GPR39: variants seen among roughly 807,000 people sequenced by gnomAD.
GPR39 encodes G protein-coupled receptor 39, also known as zinc sensing receptor.
GPR39 carries 23 observed loss-of-function variants against 18.4 expected under a neutral mutation model. The ratio of observed to expected loss-of-function variants is 1.25; its 90% CI spans 0.90 to 1.77. GPR39 has a LOEUF of 1.77. GPR39 is among the 40% of genes most tolerant of loss of function. The pLI, the probability that GPR39 is intolerant of heterozygous loss-of-function variation, is 0.00. For synonymous variants in GPR39, 280 were observed against 257.9 expected, an observed-to-expected ratio of 1.09 and a Z score of -0.82; for missense variants, 647 against 602.4, an observed-to-expected ratio of 1.07 and a Z score of -0.78.
intron 1 of GPR39, among the ~76,000 whole-genome samples, chr2:132,517,074 A>C (rs912484113): frequency 6.6e-6 from 1 of 151,946 alleles, no homozygotes; most frequent in Non-Finnish European, 1.5e-5. Flanking sequence ...AAAAGCGGAC[A>C]CTCTTCAGGT....
rs752494313 is a variant in GPR39, at chr2:132,645,450, AAGG to A, written c.1209_1211del (p.Arg404del). The A allele has an allele frequency of 1.7e-4, 277 of 1,613,684 alleles. No homozygotes were observed. Among genetic ancestry groups the A allele is most frequent in the East Asian group, 4.5e-5 (2 of 44,882 alleles). On this transcript the variant is annotated inframe_deletion, in exon 2 of 2. Transcript: ENST00000329321. ...TCGCGTCCCGGCGCCAGTCCTCTGC[AAGG>A]AGAACTGAGAAGATTTTCTTAAGCA...
At chr2:132,464,121 A>G (rs570772177) in intron 1 of GPR39, among the ~76,000 whole-genome samples, 1 of 152,244 alleles carries the variant, frequency 6.6e-6, no homozygotes, top group Non-Finnish European at 1.5e-5. Flanking sequence ...TTAAATTAAA[A>G]ATCACGTAGT....
chr2:132,501,425 A>G (rs1422480174), intron 1 of GPR39, among the ~76,000 whole-genome samples: 1 of 151,990 alleles, frequency 6.6e-6, no homozygotes, highest in East Asian at 1.9e-4. Context: ...ATTTTATTTC[A>G]CTGTGGTCTG....
At position 132,606,484 on chromosome 2, in the gene GPR39, A is replaced by T. The variant is rs114402855; in HGVS notation, c.857-38617A>T. On this transcript the variant is annotated intron_variant, in intron 1 of 1. Coordinates refer to ENST00000329321, the MANE Select transcript of GPR39 (RefSeq NM_001508.3). The stretch of plus-strand genomic sequence containing the variant: ...TGCCCAAACCCCAAGGGGGAGCATG[A>T]AGATGGGCAAGTGCAGAGGTTGTGG... Among the ~76,000 whole-genome samples the T allele has an allele frequency of 4.9e-3, 740 of 152,316 alleles. 7 individuals are homozygous for T. Among genetic ancestry groups the T allele is most frequent in the African/African-American group, 0.016 (682 of 41,574 alleles).
intron 1 of GPR39, among the ~76,000 whole-genome samples, chr2:132,495,478 T>G (rs752252503): frequency 1.4e-4 from 21 of 152,198 alleles, no homozygotes; most frequent in Non-Finnish European, 2.9e-4. Context: ...CTTGCTTGGC[T>G]GCTCGACTTG....
intron 1 of GPR39, among the ~76,000 whole-genome samples, chr2:132,483,890 G>A (rs1681282061): frequency 6.6e-6 from 1 of 152,156 alleles, no homozygotes; most frequent in Non-Finnish European, 1.5e-5. Context: ...TACTCAAATT[G>A]GATGTGGCTA....
intron 1 of GPR39, among the ~76,000 whole-genome samples, chr2:132,435,551 G>T (rs1407362960): frequency 1.3e-5 from 2 of 152,188 alleles, no homozygotes; most frequent in African/African-American, 4.8e-5. Flanking sequence ...GGAGTCCAAG[G>T]TTACATACAG....
intron 1 of GPR39, among the ~76,000 whole-genome samples, chr2:132,536,072 T>C (rs1179468222): frequency 3.3e-5 from 5 of 152,036 alleles, no homozygotes; most frequent in Admixed American, 2.0e-4. Flanking sequence ...TCTGTCTCCT[T>C]CAGTTCTGGT....
At chr2:132,461,375 G>A (rs1680829431) in intron 1 of GPR39, among the ~76,000 whole-genome samples, 2 of 152,160 alleles carry the variant, frequency 1.3e-5, no homozygotes, top group African/African-American at 4.8e-5. Flanking sequence ...GTACTGCCAT[G>A]TATACAGTAG....
intron 1 of GPR39, among the ~76,000 whole-genome samples, chr2:132,622,061 G>A (rs1181090924): frequency 6.6e-6 from 1 of 152,100 alleles, no homozygotes; most frequent in Non-Finnish European, 1.5e-5. Context: ...CCCCTGGGCT[G>A]GGGAGAGACC....
chr2:132,609,805 G>C (rs1681208758), intron 1 of GPR39, among the ~76,000 whole-genome samples: 1 of 152,136 alleles, frequency 6.6e-6, no homozygotes, highest in African/African-American at 2.4e-5. Flanking sequence ...CTCAAGACAA[G>C]AGGAGCAAGG....
intron 1 of GPR39, among the ~76,000 whole-genome samples, chr2:132,420,548 A>G (rs964609156): frequency 1.3e-5 from 2 of 152,256 alleles, no homozygotes; most frequent in African/African-American, 4.8e-5. Flanking sequence ...TTCATTTCAC[A>G]GATGGGTCAA....
intron 1 of GPR39, among the ~76,000 whole-genome samples, chr2:132,633,867 T>G (rs1396407159): frequency 1.3e-5 from 2 of 150,840 alleles, no homozygotes; most frequent in African/African-American, 4.9e-5. Context: ...GTAGCGGCAT[T>G]GGTGTTGGTA....
intron 1 of GPR39, among the ~76,000 whole-genome samples, chr2:132,573,112 T>C (rs1680469162): frequency 6.6e-6 from 1 of 152,018 alleles, no homozygotes; most frequent in Admixed American, 6.5e-5. Flanking sequence ...AGGCTGATGC[T>C]GAAACTCTTG....
At chr2:132,547,386 T>C (rs1462824681) in intron 1 of GPR39, among the ~76,000 whole-genome samples, 1 of 152,132 alleles carries the variant, frequency 6.6e-6, no homozygotes, top group Admixed American at 6.5e-5. Context: ...CTGGGGAGGT[T>C]TATAGACAAT....
intron 1 of GPR39, among the ~76,000 whole-genome samples, chr2:132,475,245 A>G (rs1681104488): frequency 6.6e-6 from 1 of 151,508 alleles, no homozygotes; most frequent in Non-Finnish European, 1.5e-5. Context: ...TCACTCCTGC[A>G]TGCTTGTTCA....
chr2:132,491,945 A>G (rs1448521010), intron 1 of GPR39, among the ~76,000 whole-genome samples: 1 of 151,740 alleles, frequency 6.6e-6, no homozygotes. Flanking sequence ...TCAGAATAGT[A>G]CCTAGCACAT....
In GPR39 at chr2:132,417,712, A is replaced by G; in HGVS notation, c.670A>G (p.Ile224Val). The G allele has an allele frequency of 6.2e-7, 1 of 1,614,168 alleles. No individual in the cohort carries two copies. The highest frequency in any genetic ancestry group is 2.2e-5 in the East Asian group (1 of 44,872). ...CCGCTGGACCGTGTTCCAGTCCAGC[A>G]TCTTCGGCGCCTTCGTGGTCTACCT... is the stretch of plus-strand genomic sequence containing the variant. ...SSRWTVFQSS[I>V]FGAFVVYLVV... The change falls in exon 1 of 2, where the codon ATC (isoleucine) becomes GTC (valine). Residue 224 changes from isoleucine (I) to valine (V), a missense_variant. By Grantham distance (29) the Ile-to-Val change is conservative (BLOSUM62 3). This residue lies in a region of GPR39 where 581 missense variants were observed against 506.8 expected (regional missense o/e 1.15). Transcript: ENST00000329321.
intron 1 of GPR39, among the ~76,000 whole-genome samples, chr2:132,522,154 G>A (rs578179957): frequency 1.3e-4 from 20 of 152,128 alleles, no homozygotes; most frequent in African/African-American, 3.9e-4. Context: ...TTAGCCTTCC[G>A]GTCAGCCCCA....
Sources: allele counts gnomAD v4.1 joint callset (sites outside exome capture counted in the v4.1 genomes callset), GRCh38; gene constraint gnomAD v4.1.1; regional missense constraint gnomAD v4.1.1; transcripts MANE v1.5; gene names NCBI Gene and HGNC (gene_info 2026-07-23, HGNC 2026-07-21).